Variants in SLC8A3 observed in about 807,000 individuals in gnomAD.
The protein encoded by SLC8A3 is solute carrier family 8 member A3, also known as sodium/calcium exchanger 3.
In SLC8A3, 37 loss-of-function variants were observed where a neutral mutation model predicts 65.4. The ratio of observed to expected loss-of-function variants is 0.57; its 90% CI spans 0.44 to 0.74. The LOEUF (loss-of-function observed/expected upper bound fraction) is 0.74. Among genes scored for constraint, SLC8A3 ranks in the 30% least tolerant of loss-of-function variants. The pLI is 0.00. For synonymous variants in SLC8A3, 461 were observed against 444.5 expected, an observed-to-expected ratio of 1.04 and a Z score of -0.47; for missense variants, 1,112 against 1,172.1, an observed-to-expected ratio of 0.95 and a Z score of 0.75.
rs774849801 is a variant in SLC8A3, at chr14:70,168,327, A to G, written c.96T>C (p.Ala32=). 1 of 1,614,148 alleles carries G rather than the reference A, an allele frequency of 6.2e-7. No individual in the cohort carries two copies. The highest frequency in any genetic ancestry group is 8.5e-7 in the Non-Finnish European group (1 of 1,180,014). Residue 32 remains alanine, a synonymous_variant, in exon 2 of 7, where the codon GCT becomes GCC. Coordinates refer to ENST00000356921, the MANE Select transcript of SLC8A3 (RefSeq NM_182932.3). ...TGCTTGGCACGTCCCCTGAGCCACC[A>G]GCCTCTGCTCGAAGACCATTCAGGA... is the stretch of plus-strand genomic sequence containing the variant. ...VLFLNGLRAE[A]GGSGDVPSTG...
intron 2 of SLC8A3, among the ~76,000 whole-genome samples, chr14:70,112,213 G>A (rs568884579): frequency 4.6e-5 from 7 of 152,344 alleles, no homozygotes; most frequent in Non-Finnish European, 5.9e-5. Context: ...GCCAGAGAAG[G>A]TCAGGATCTA....
intron 2 of SLC8A3, among the ~76,000 whole-genome samples, chr14:70,067,041 A>G (rs1472557511): frequency 1.3e-5 from 2 of 152,062 alleles, no homozygotes; most frequent in Non-Finnish European, 2.9e-5. Context: ...AGCTTGCATG[A>G]TCCAGTCGCT....
intron 1 of SLC8A3, among the ~76,000 whole-genome samples, chr14:70,187,630 TGTGTGTGTG>T (rs1566843499): frequency 1.2e-4 from 17 of 136,584 alleles, no homozygotes; most frequent in South Asian, 4.5e-4. Flanking sequence ...TGTGTGTGTG[TGTGTGTGTG>T]TCCGCGCGCG....
At chr14:70,184,032 A>G (rs981880107) in intron 1 of SLC8A3, among the ~76,000 whole-genome samples, 2 of 152,024 alleles carry the variant, frequency 1.3e-5, no homozygotes, top group African/African-American at 4.8e-5. Flanking sequence ...CTATCTTCAC[A>G]TGTTCTCTAA....
chr14:70,075,733 A>G (rs1224349238), intron 2 of SLC8A3, among the ~76,000 whole-genome samples: 3 of 152,106 alleles, frequency 2.0e-5, no homozygotes, highest in Non-Finnish European at 4.4e-5. Context: ...CTTAAAAACA[A>G]TTTTTTAAAG....
At chr14:70,161,288 CAAAAAAAAAAA>C (rs5809474) in intron 2 of SLC8A3, among the ~76,000 whole-genome samples, 281 of 33,296 alleles carry the variant, frequency 8.4e-3, no homozygotes, top group African/African-American at 0.031. Context: ...GACTCCATCT[CAAAAAAAAAAA>C]AAAAAAAAAA....
At chr14:70,064,867 A>G (rs577666951) in intron 2 of SLC8A3, among the ~76,000 whole-genome samples, 2 of 151,904 alleles carry the variant, frequency 1.3e-5, no homozygotes, top group Admixed American at 1.3e-4. Flanking sequence ...TCCTTCATTT[A>G]TTTATTTATT....
chr14:70,152,768 T>C (rs1456649260), intron 2 of SLC8A3, among the ~76,000 whole-genome samples: 3 of 152,224 alleles, frequency 2.0e-5, no homozygotes, highest in African/African-American at 7.2e-5. Flanking sequence ...TGTGCAGAAC[T>C]GCGTCCAATC....
At chr14:70,079,519 A>G (rs1890852747) in intron 2 of SLC8A3, among the ~76,000 whole-genome samples, 2 of 151,978 alleles carry the variant, frequency 1.3e-5, no homozygotes, top group Non-Finnish European at 2.9e-5. Context: ...AAATCTATTG[A>G]ATGAATGAGG....
intron 3 of SLC8A3, among the ~76,000 whole-genome samples, chr14:70,057,476 G>T (rs1888290237): frequency 6.6e-6 from 1 of 152,190 alleles, no homozygotes; most frequent in Non-Finnish European, 1.5e-5. Context: ...AAAGGTCCCT[G>T]ATGCCCTGGT....
Position 70,188,619 on chromosome 14 carries a change from G to A in SLC8A3, c.-303C>T, listed in dbSNP as rs1883554786. The A allele has an allele frequency of 1.3e-5, 2 of 152,240 alleles. No homozygotes were observed. Among genetic ancestry groups the A allele is most frequent in the Admixed American group, 1.3e-4 (2 of 15,280 alleles). 9.4% of individuals were successfully genotyped at this position (152,240 alleles called of 1,614,324 possible). The stretch of plus-strand genomic sequence containing the variant: ...GCATCTGGAGCGCGGGGTCTGGGAG[G>A]GAGGGTGTCTGGGGCCAGGGCGAGG... On this transcript the variant is annotated 5_prime_UTR_variant, in exon 1 of 7. Transcript: ENST00000356921.
At chr14:70,105,462 C>A (rs568313837) in intron 2 of SLC8A3, among the ~76,000 whole-genome samples, 219 of 152,246 alleles carry the variant, frequency 1.4e-3, no homozygotes, top group Non-Finnish European at 2.7e-3. Flanking sequence ...GGAATATTAT[C>A]AAAGACTTTG....
intron 2 of SLC8A3, among the ~76,000 whole-genome samples, chr14:70,127,646 T>C (rs1157993901): frequency 2.0e-5 from 3 of 152,128 alleles, no homozygotes; most frequent in Non-Finnish European, 4.4e-5. Context: ...AGCTGGTTTG[T>C]TGTGTGCTCT....
chr14:70,185,724 A>G (rs1883151998), intron 1 of SLC8A3, among the ~76,000 whole-genome samples: 1 of 152,232 alleles, frequency 6.6e-6, no homozygotes, highest in Non-Finnish European at 1.5e-5. Flanking sequence ...GGCCTTGGGG[A>G]CACAGTTTCC....
chr14:70,166,700 C>A lies in SLC8A3; in HGVS notation c.1723G>T (p.Gly575Cys). The change falls in exon 2 of 7, where the codon GGT becomes TGT. Residue 575 changes from glycine (G) to cysteine (C), a missense_variant. Gly to Cys is a radical substitution (Grantham distance 159). Coordinates refer to ENST00000356921, the MANE Select transcript of SLC8A3 (RefSeq NM_182932.3). ...GTGTCTTCAAAGTCCTCACCGCCAC[C>A]CTTGGCTGTCCCTTCTACTGTCCTA... ...PFRTVEGTAK[G>C]GGEDFEDTYG... 1 of 1,613,810 alleles carries A rather than the reference C, an allele frequency of 6.2e-7. No individual in the cohort carries two copies. Among genetic ancestry groups the A allele is most frequent in the Non-Finnish European group, 8.5e-7 (1 of 1,179,872 alleles).
At chr14:70,152,238 T>C (rs761593134) in intron 2 of SLC8A3, among the ~76,000 whole-genome samples, 3 of 151,940 alleles carry the variant, frequency 2.0e-5, no homozygotes, top group Non-Finnish European at 2.9e-5. Context: ...GCAAAGAAAG[T>C]CATGCAGAGA....
At position 70,068,820 on chromosome 14, in the gene SLC8A3, G is replaced by A. The variant is rs1052917467; in HGVS notation, c.1785-7881C>T. Among the ~76,000 whole-genome samples the A allele has an allele frequency of 2.6e-5, 4 of 151,980 alleles. 1 individual carries two copies. The highest frequency in any genetic ancestry group is 2.1e-4 in the South Asian group (1 of 4,810). On this transcript the variant is annotated intron_variant, in intron 2 of 6. Coordinates refer to ENST00000356921, the MANE Select transcript of SLC8A3 (RefSeq NM_182932.3). Reference sequence around the variant, plus strand: ...TGGCTCACCACAGCCTCAACCTCCCGGGCTCATATAATCTTCCCACCTCAG... The same window carrying A: ...TGGCTCACCACAGCCTCAACCTCCCAGGCTCATATAATCTTCCCACCTCAG...
chr14:70,182,193 G>C (rs1882808866), intron 1 of SLC8A3, among the ~76,000 whole-genome samples: 1 of 152,132 alleles, frequency 6.6e-6, no homozygotes, highest in Non-Finnish European at 1.5e-5. Flanking sequence ...AGAGAAAGTG[G>C]GAAGTCAGGA....
chr14:70,168,164 T>C lies in SLC8A3; in HGVS notation c.259A>G (p.Met87Val). ...VIVYFVALIYMFLGVSIIADR... is the reference protein window; with the variant it reads ...VIVYFVALIYVFLGVSIIADR... The stretch of plus-strand genomic sequence containing the variant: ...GCAATGATGGACACCCCAAGGAACA[T>C]GTATATCAGGGCCACAAAATAGACA... The change falls in exon 2 of 7, where the codon ATG (methionine) becomes GTG (valine). Residue 87 changes from methionine to valine, a missense_variant. Coordinates refer to ENST00000356921, the MANE Select transcript of SLC8A3 (RefSeq NM_182932.3). 3 of 1,614,028 alleles carry C rather than the reference T, an allele frequency of 1.9e-6. No homozygotes were observed. Among genetic ancestry groups the C allele is most frequent in the South Asian group, 1.1e-5 (1 of 91,078 alleles).
Sources: allele counts gnomAD v4.1 joint callset (sites outside exome capture counted in the v4.1 genomes callset), GRCh38; gene constraint gnomAD v4.1.1; transcripts MANE v1.5; gene names NCBI Gene and HGNC (gene_info 2026-07-23, HGNC 2026-07-21).